The following RANBP3 variants were observed in gnomAD, a reference collection of about 807,000 sequenced individuals.
RANBP3 encodes RAN binding protein 3, also known as ran-binding protein 3.
A neutral mutation model predicts 77.3 loss-of-function variants in RANBP3; 14 were observed. That is an observed-to-expected ratio of 0.18 (90% CI 0.12 to 0.28). RANBP3 has a LOEUF of 0.28. Ranked by LOEUF, RANBP3 falls within the 10% of genes least tolerant of loss-of-function variation. The pLI, the probability that RANBP3 is intolerant of heterozygous loss-of-function variation, is 1.00. For missense variants in RANBP3, 586 were observed against 752.3 expected (o/e 0.78, Z 2.59); for synonymous variants, 315 against 312.4 (o/e 1.01, Z -0.09).
intron 1 of RANBP3, among the ~76,000 whole-genome samples, chr19:5,966,922 G>A (rs767513479): frequency 1.3e-5 from 2 of 152,152 alleles, no homozygotes; most frequent in Admixed American, 1.3e-4. Context: ...AAAGCATCTC[G>A]CCAACACAAA....
rs193223653 is a variant in RANBP3, at chr19:5,926,902, T to C, written c.813+1066A>G. 4.8e-4 allele frequency among the ~76,000 whole-genome samples: 73 copies of C among 152,284 alleles called. 1 individual carries two copies. Among genetic ancestry groups the C allele is most frequent in the African/African-American group, 1.7e-3 (69 of 41,548 alleles). On this transcript the variant is annotated intron_variant, in intron 9 of 16. Transcript: ENST00000340578. Reference sequence around the variant, plus strand: ...GAAAGCAGAAAACACAAGCCGGTGCTTTCTGCATGCTAGAGAGGTTTTTGT... The same window carrying C: ...GAAAGCAGAAAACACAAGCCGGTGCCTTCTGCATGCTAGAGAGGTTTTTGT...
At position 5,921,157 on chromosome 19, in the gene RANBP3, T is replaced by A. The variant is rs2057813992; in HGVS notation, c.1330+44A>T. The A allele has an allele frequency of 1.3e-6, 2 of 1,588,306 alleles. No homozygotes were observed. The highest frequency in any genetic ancestry group is 1.7e-6 in the Non-Finnish European group (2 of 1,168,786). On this transcript the variant is annotated intron_variant, in intron 14 of 16. Coordinates refer to ENST00000340578, the MANE Select transcript of RANBP3 (RefSeq NM_007322.3). The surrounding 1 kb of genome is among the most constrained non-coding windows in gnomAD (Gnocchi z 5.3). ...TTTGGAATTGCATAGTCCCCAGCCCTCCCCATGGGGACCCGGCCACAGCCC... is the reference window on the plus strand; with the variant it reads ...TTTGGAATTGCATAGTCCCCAGCCCACCCCATGGGGACCCGGCCACAGCCC...
intron 1 of RANBP3, among the ~76,000 whole-genome samples, chr19:5,975,357 T>C (rs547330553): frequency 2.0e-5 from 3 of 152,216 alleles, no homozygotes; most frequent in East Asian, 3.9e-4. Flanking sequence ...CTTTGGCCCT[T>C]ACCAGTTCAA....
intron 9 of RANBP3, 78 bp from the exon 10 acceptor site, chr19:5,925,815 CCT>C (rs1599726952): frequency 4.1e-6 from 5 of 1,211,486 alleles, no homozygotes; most frequent in Non-Finnish European, 4.9e-6. Flanking sequence ...CTGCAGACCC[CCT>C]GAGCTGCATG....
Position 5,925,657 on chromosome 19 carries a change from A to G in RANBP3, c.894T>C (p.Tyr298=), listed in dbSNP as rs1344643596. 6.2e-7 allele frequency: 1 copy of G among 1,613,546 alleles called. No individual in the cohort carries two copies. The highest frequency in any genetic ancestry group is 8.5e-7 in the Non-Finnish European group (1 of 1,179,852). ...PSADTPTATN[Y]FLQYISSSLE... is the part of the protein sequence containing the mutation. ...ACCTGGAACTGATATACTGGAGGAAATAGTTCGTTGCGGTTGGCGTGTCTG... is the reference window on the plus strand; with the variant it reads ...ACCTGGAACTGATATACTGGAGGAAGTAGTTCGTTGCGGTTGGCGTGTCTG... Residue 298 remains tyrosine (Y), a synonymous_variant, in exon 10 of 17, where the codon TAT becomes TAC. Coordinates refer to ENST00000340578, the MANE Select transcript of RANBP3 (RefSeq NM_007322.3).
At chr19:5,941,968 A>C in intron 3 of RANBP3, 133 bp from the exon 4 acceptor site, 1 of 992,384 alleles carries the variant, frequency 1.0e-6, no homozygotes, top group Non-Finnish European at 1.5e-6. Flanking sequence ...CCCGAATGAG[A>C]GCCAGGATTT....
chr19:5,944,758 T>G (rs533014875), intron 3 of RANBP3, among the ~76,000 whole-genome samples: 1 of 152,340 alleles, frequency 6.6e-6, no homozygotes, highest in African/African-American at 2.4e-5. Context: ...TTCCCTGGCC[T>G]CACCAGTCCT....
intron 1 of RANBP3, among the ~76,000 whole-genome samples, chr19:5,971,026 C>T (rs924515610): frequency 3.3e-5 from 5 of 152,186 alleles, no homozygotes; most frequent in African/African-American, 1.2e-4. Context: ...TACACTGAGG[C>T]TCTGCTAGCA....
At chr19:5,948,033 A>G (rs1599763472) in intron 3 of RANBP3, among the ~76,000 whole-genome samples, 1 of 152,318 alleles carries the variant, frequency 6.6e-6, no homozygotes, top group East Asian at 1.9e-4. Flanking sequence ...GCCCAGGGAA[A>G]GGGACAAAGC....
At chr19:5,968,486 A>G (rs1164275352) in intron 1 of RANBP3, among the ~76,000 whole-genome samples, 1 of 152,226 alleles carries the variant, frequency 6.6e-6, no homozygotes, top group Non-Finnish European at 1.5e-5. Flanking sequence ...ATGATTCCAC[A>G]CTGGCACTGG....
intron 3 of RANBP3, among the ~76,000 whole-genome samples, chr19:5,947,745 C>T (rs546304909): frequency 6.6e-4 from 101 of 152,272 alleles, no homozygotes; most frequent in African/African-American, 2.2e-3. Context: ...ACGTCCCTGC[C>T]GGCGGGGTGG....
Position 5,917,529 on chromosome 19 carries a change from G to T in RANBP3, c.*81C>A. The T allele has an allele frequency of 1.4e-6, 2 of 1,451,088 alleles. No individual in the cohort carries two copies. Among genetic ancestry groups the T allele is most frequent in the Non-Finnish European group, 9.2e-7 (1 of 1,090,816 alleles). 89.9% of individuals were successfully genotyped at this position (1,451,088 alleles called of 1,614,324 possible). On this transcript the variant is annotated 3_prime_UTR_variant, in exon 17 of 17. Coordinates refer to ENST00000340578, the MANE Select transcript of RANBP3 (RefSeq NM_007322.3). ...GTGGTTCCCGGCCCCGCACCTGGAC[G>T]CTGCCGGTGGGGTGGGGGCGGGTGG...
chr19:5,963,320 C>G (rs964003187), intron 1 of RANBP3, among the ~76,000 whole-genome samples: 1 of 152,052 alleles, frequency 6.6e-6, no homozygotes, highest in South Asian at 2.1e-4. Context: ...GGGAGGGTGA[C>G]GAGGGAGGAT....
chr19:5,951,662 G>A lies in RANBP3; in HGVS notation c.79-66C>T, dbSNP rs549396633. ...GGCTGCATCACACAGCAGGAAGGGCGGGCAGGGGTCAGAGGCTGGAGCTGG... is the reference window on the plus strand; with the variant it reads ...GGCTGCATCACACAGCAGGAAGGGCAGGCAGGGGTCAGAGGCTGGAGCTGG... On this transcript the variant is annotated intron_variant, in intron 2 of 16. Coordinates refer to ENST00000340578, the MANE Select transcript of RANBP3 (RefSeq NM_007322.3). The A allele has an allele frequency of 4.5e-5, 65 of 1,459,444 alleles. No homozygotes were observed. The African/African-American group carries it at 5.6e-4, about 13-fold the overall frequency. 90.4% of individuals were successfully genotyped at this position (1,459,444 alleles called of 1,614,324 possible). A position where few individuals can be genotyped will look rare whatever the true frequency, so the allele number is the denominator to read the frequency against.
rs754959976 is a variant in RANBP3 at position 5,921,349 on chromosome 19, G to A, written c.1210-28C>T. On this transcript the variant is annotated intron_variant, in intron 13 of 16. Transcript: ENST00000340578. The surrounding 1 kb of genome is among the most constrained non-coding windows in gnomAD (Gnocchi z 5.3). Reference sequence around the variant, plus strand: ...GGAACACAGTGGCCGCCGGTAAGCAGGGACCCCAGCTGGTGTCCTGCTGCA... The same window carrying A: ...GGAACACAGTGGCCGCCGGTAAGCAAGGACCCCAGCTGGTGTCCTGCTGCA... 6 of 1,611,272 alleles carry A rather than the reference G, an allele frequency of 3.7e-6. No individual in the cohort carries two copies. The highest frequency in any genetic ancestry group is 1.7e-5 in the Admixed American group (1 of 59,898).
Position 5,924,660 on chromosome 19 carries a change from A to T in RANBP3, c.996+167T>A, listed in dbSNP as rs1488851435. On this transcript the variant is annotated intron_variant, in intron 11 of 16. Coordinates refer to ENST00000340578, the MANE Select transcript of RANBP3 (RefSeq NM_007322.3). This position sits in a 1 kb window ranked among gnomAD's most constrained non-coding sequence, Gnocchi z 4.7. ...TCGTAGGCAGCCAGTGGCCCTGGCC[A>T]GTTTTCAGGCTGAGTCTGAGCAGGG... Among the ~76,000 whole-genome samples the T allele has an allele frequency of 6.6e-6, 1 of 152,254 alleles. No individual in the cohort carries two copies. Among genetic ancestry groups the T allele is most frequent in the African/African-American group, 2.4e-5 (1 of 41,472 alleles).
At chr19:5,941,432 C>T (rs1253675193) in intron 5 of RANBP3, among the ~76,000 whole-genome samples, 189 bp downstream of exon 5, 5 of 152,148 alleles carry the variant, frequency 3.3e-5, no homozygotes, top group African/African-American at 7.2e-5. Flanking sequence ...GTCACTGATT[C>T]GAGACGAGGA....
intron 1 of RANBP3, among the ~76,000 whole-genome samples, chr19:5,967,775 C>G (rs184338189): frequency 6.6e-6 from 1 of 152,154 alleles, no homozygotes; most frequent in African/African-American, 2.4e-5. Context: ...AATCCCAGCA[C>G]GTTGGGAGGC....
chr19:5,921,105 G>T lies in RANBP3; in HGVS notation c.1330+96C>A. 1 of 1,437,614 alleles carries T rather than the reference G, an allele frequency of 7.0e-7. No homozygotes were observed. Among genetic ancestry groups the T allele is most frequent in the Non-Finnish European group, 9.4e-7 (1 of 1,068,322 alleles). 89.1% of individuals were successfully genotyped at this position (1,437,614 alleles called of 1,614,324 possible). On this transcript the variant is annotated intron_variant, in intron 14 of 16. Transcript: ENST00000340578. This position sits in a 1 kb window ranked among gnomAD's most constrained non-coding sequence, Gnocchi z 5.3. ...TGTGCCTTGACTCTCACAAGGGTAG[G>T]GTCAGGATCTCCCCCGCTTCATTCC...
Sources: gnomAD v4.1 joint callset for allele counts (sites outside exome capture counted in the v4.1 genomes callset) on GRCh38, gnomAD v4.1.1 for gene constraint, Gnocchi (gnomAD v3.1) non-coding constraint, MANE v1.5 for transcripts, NCBI Gene and HGNC (gene_info 2026-07-23, HGNC 2026-07-21) for gene names.